Variants in OR14A2 observed in about 807,000 individuals in gnomAD.
OR14A2 encodes the protein olfactory receptor family 14 subfamily A member 2, also known as olfactory receptor 14A2.
For missense variants in OR14A2, 237 were observed against 152.9 expected (o/e 1.55, Z -2.90); for synonymous variants, 114 against 58.6 (o/e 1.95, Z -4.32).
At chr1:247,740,541 C>G in the OR14A2 span, among the ~76,000 whole-genome samples, 1 of 152,236 alleles carries the variant, frequency 6.6e-6, no homozygotes, top group South Asian at 2.1e-4. Flanking sequence ...TTCTTTTTCT[C>G]TAATGTGTTG....
At chr1:247,737,438 A>G in the OR14A2 span, among the ~76,000 whole-genome samples, 1 of 152,188 alleles carries the variant, frequency 6.6e-6, no homozygotes, top group South Asian at 2.1e-4. Flanking sequence ...TTCTTGTTGG[A>G]AAAAGCACTG....
At chr1:247,724,591 A>G (rs941260189), upstream of OR14A2, among the ~76,000 whole-genome samples, 2 of 152,164 alleles carry the variant, frequency 1.3e-5, no homozygotes, top group African/African-American at 4.8e-5. Context: ...AATGATAGTA[A>G]GCAAGGGAAA....
the OR14A2 span, among the ~76,000 whole-genome samples, chr1:247,742,101 TTC>T: frequency 6.6e-6 from 1 of 152,228 alleles, no homozygotes; most frequent in Admixed American, 6.5e-5. Flanking sequence ...TTTGGAAAGC[TTC>T]TTCACAGTAG....
the OR14A2 span, chr1:247,739,021 G>A: frequency 1.3e-6 from 1 of 780,708 alleles, no homozygotes; most frequent in Non-Finnish European, 2.4e-6. Context: ...GTCATGAGCA[G>A]AGGGCTCTGT....
the OR14A2 span, among the ~76,000 whole-genome samples, chr1:247,730,465 C>T: frequency 6.6e-6 from 1 of 151,958 alleles, no homozygotes; most frequent in East Asian, 1.9e-4. Flanking sequence ...TTTCCTCTTT[C>T]TTTTCCTCCA....
At chr1:247,732,226 T>A in the OR14A2 span, among the ~76,000 whole-genome samples, 37 of 152,276 alleles carry the variant, frequency 2.4e-4, no homozygotes, top group Non-Finnish European at 5.1e-4. Flanking sequence ...CCCAGTCTTC[T>A]CTTTTCTGGC....
chr1:247,732,434 T>G, the OR14A2 span, among the ~76,000 whole-genome samples: 1 of 152,184 alleles, frequency 6.6e-6, no homozygotes, highest in Non-Finnish European at 1.5e-5. Flanking sequence ...CCAGCACTTA[T>G]TCAGGTGTTT....
the OR14A2 span, among the ~76,000 whole-genome samples, chr1:247,737,641 A>G: frequency 6.6e-6 from 1 of 152,200 alleles, no homozygotes; most frequent in Non-Finnish European, 1.5e-5. Flanking sequence ...TGTGTGTTTT[A>G]GAGATGGCCT....
At chr1:247,742,318 A>G in the OR14A2 span, among the ~76,000 whole-genome samples, 1 of 138,848 alleles carries the variant, frequency 7.2e-6, no homozygotes, top group Non-Finnish European at 1.6e-5. Context: ...TGTGTTCACC[A>G]CTGTGGAATG....
chr1:247,729,755 C>T, the OR14A2 span, among the ~76,000 whole-genome samples: 4 of 152,170 alleles, frequency 2.6e-5, no homozygotes, highest in South Asian at 8.3e-4. Context: ...GAATACTATT[C>T]TCAATGAAAT....
chr1:247,738,170 A>G, the OR14A2 span, among the ~76,000 whole-genome samples: 1 of 152,194 alleles, frequency 6.6e-6, no homozygotes, highest in African/African-American at 2.4e-5. Flanking sequence ...GATAATGACT[A>G]TTTTAAATAT....
chr1:247,723,533 C>T (rs760124625), exon 1 of OR14A2: 1 of 718,060 alleles, frequency 1.4e-6, no homozygotes, highest in Non-Finnish European at 2.6e-6. Flanking sequence ...TGTGGAATCA[C>T]ACTGGAGCCA....
the OR14A2 span, among the ~76,000 whole-genome samples, chr1:247,734,417 CATGG>C: frequency 6.6e-6 from 1 of 152,278 alleles, no homozygotes; most frequent in South Asian, 2.1e-4. Flanking sequence ...AGTATTTTGT[CATGG>C]CAGCCTAAAC....
chr1:247,723,104 T>G (rs901811702), exon 1 of OR14A2: 1 of 709,898 alleles, frequency 1.4e-6, no homozygotes. Context: ...AAGTGTTAAA[T>G]GAAGTAAGCC....
the OR14A2 span, among the ~76,000 whole-genome samples, chr1:247,731,675 CA>C: frequency 6.6e-6 from 1 of 151,706 alleles, no homozygotes; most frequent in South Asian, 2.1e-4. Flanking sequence ...TAGAAATTTT[CA>C]ATTTTGTAAT....
the OR14A2 span, among the ~76,000 whole-genome samples, chr1:247,737,511 C>T: frequency 5.3e-5 from 8 of 152,020 alleles, no homozygotes; most frequent in African/African-American, 1.9e-4. Context: ...AAGTTCATGG[C>T]TGCCCCAAAC....
chr1:247,724,276 T>C (rs547604317), upstream of OR14A2, among the ~76,000 whole-genome samples: 1 of 152,218 alleles, frequency 6.6e-6, no homozygotes, highest in East Asian at 1.9e-4. Context: ...CATTAGACTT[T>C]ATGAGTTTTA....
At chr1:247,742,801 A>G in the OR14A2 span, among the ~76,000 whole-genome samples, 5 of 152,238 alleles carry the variant, frequency 3.3e-5, no homozygotes, top group Non-Finnish European at 7.3e-5. Flanking sequence ...GAAAGACACA[A>G]AAAGGGGCAC....
chr1:247,738,192 G>C, the OR14A2 span, among the ~76,000 whole-genome samples: 113 of 152,258 alleles, frequency 7.4e-4, 1 homozygote, highest in African/African-American at 2.7e-3. Context: ...GCAGTAAGTA[G>C]CAAGCAGAAA....
Sources: gnomAD v4.1 joint callset for allele counts (sites outside exome capture counted in the v4.1 genomes callset) on GRCh38, gnomAD v4.1.1 for gene constraint, MANE v1.5 for transcripts, NCBI Gene and HGNC (gene_info 2026-07-23, HGNC 2026-07-21) for gene names.